PYHIN1: variants seen among roughly 807,000 people sequenced by gnomAD.
PYHIN1 encodes pyrin and HIN domain-containing protein 1.
Under a neutral mutation model 43.7 loss-of-function variants are expected in PYHIN1, and 32 were observed. The ratio of observed to expected loss-of-function variants is 0.73; its 90% confidence interval spans 0.55 to 0.98. The LOEUF (loss-of-function observed/expected upper bound fraction) is 0.98, where lower values mean the gene tolerates loss of function less well. PYHIN1 is among the 50% of genes least tolerant of loss of function. The pLI is 0.00. For synonymous variants in PYHIN1, 205 were observed against 203.1 expected, an observed-to-expected ratio of 1.01 and a Z score of -0.08; for missense variants, 588 against 589.5, an observed-to-expected ratio of 1.00 and a Z score of 0.03.
chr1:158,936,372 A>G (rs1648545593), intron 1 of PYHIN1, among the ~76,000 whole-genome samples: 2 of 151,598 alleles, frequency 1.3e-5, no homozygotes, highest in South Asian at 4.2e-4. Flanking sequence ...CATCATCCTG[A>G]TACCAAAGCT....
chr1:158,969,731 G>A (rs1325707212), intron 7 of PYHIN1, among the ~76,000 whole-genome samples: 4 of 151,964 alleles, frequency 2.6e-5, no homozygotes, highest in Non-Finnish European at 5.9e-5. Flanking sequence ...AACATTTAAA[G>A]ACAATCCATT....
intron 4 of PYHIN1, chr1:158,939,703 A>C (rs1243949634): frequency 8.1e-6 from 5 of 616,786 alleles, no homozygotes; most frequent in Non-Finnish European, 1.5e-5. Flanking sequence ...ATCCTCAGGG[A>C]ATCCTCACTT....
chr1:158,958,039 A>G (rs924317723), intron 7 of PYHIN1, among the ~76,000 whole-genome samples: 5 of 152,394 alleles, frequency 3.3e-5, no homozygotes, highest in South Asian at 2.1e-4. Flanking sequence ...AGAAATGCCA[A>G]TCTAAACCAC....
At chr1:158,948,310 C>CT (rs1269019030) in intron 7 of PYHIN1, among the ~76,000 whole-genome samples, 1 of 152,132 alleles carries the variant, frequency 6.6e-6, no homozygotes. Flanking sequence ...GTGTGTGGAT[C>CT]TATAGTGTGA....
At chr1:158,945,786 C>T (rs187384602) in intron 7 of PYHIN1, among the ~76,000 whole-genome samples, 10 of 152,294 alleles carry the variant, frequency 6.6e-5, no homozygotes, top group East Asian at 1.9e-4. Context: ...GAACATGTAA[C>T]GACAATGTTC....
intron 7 of PYHIN1, among the ~76,000 whole-genome samples, chr1:158,953,206 G>T (rs2101685595): frequency 6.8e-6 from 1 of 146,332 alleles, no homozygotes; most frequent in South Asian, 2.3e-4. Context: ...GGCTTATTAG[G>T]TAAACAAAGC....
chr1:158,936,280 A>C (rs1402494388), intron 1 of PYHIN1, among the ~76,000 whole-genome samples: 1 of 132,180 alleles, frequency 7.6e-6, no homozygotes, highest in Admixed American at 9.2e-5. Flanking sequence ...CTCATTGTTC[A>C]ATTCCCACCT....
downstream of PYHIN1, among the ~76,000 whole-genome samples, chr1:158,978,299 A>G (rs1417061506): frequency 1.5e-5 from 2 of 136,828 alleles, no homozygotes; most frequent in African/African-American, 5.4e-5. Flanking sequence ...ATATATATAT[A>G]TGATAATTTG....
chr1:158,968,756 A>G (rs1484733757), intron 7 of PYHIN1, among the ~76,000 whole-genome samples: 1 of 152,176 alleles, frequency 6.6e-6, no homozygotes, highest in Non-Finnish European at 1.5e-5. Flanking sequence ...ATGGAATACT[A>G]CACAGCCACA....
At chr1:158,965,983 C>T (rs893143031) in intron 7 of PYHIN1, among the ~76,000 whole-genome samples, 1 of 151,100 alleles carries the variant, frequency 6.6e-6, no homozygotes, top group Admixed American at 6.6e-5. Flanking sequence ...AGAAAGATTG[C>T]TAGATAGACT....
At chr1:158,971,555 C>T (rs1650934553) in intron 7 of PYHIN1, among the ~76,000 whole-genome samples, 1 of 151,978 alleles carries the variant, frequency 6.6e-6, no homozygotes, top group South Asian at 2.1e-4. Flanking sequence ...AGAATCCTGA[C>T]TGGAACTGTG....
chr1:158,967,205 A>AT (rs1650677456), intron 7 of PYHIN1, among the ~76,000 whole-genome samples: 1 of 152,088 alleles, frequency 6.6e-6, no homozygotes, highest in African/African-American at 2.4e-5. Flanking sequence ...TATTTGTGGG[A>AT]TGAGAGGGTT....
rs1398770234 is a variant in PYHIN1, at chr1:158,944,866, T to G, written c.1192-9T>G. 6.5e-7 allele frequency: 1 copy of G among 1,532,064 alleles called. No individual in the cohort carries two copies. The highest frequency in any genetic ancestry group is 8.8e-7 in the Non-Finnish European group (1 of 1,141,020). The allele number at this position is 1,532,064 out of a possible 1,614,324, so 94.9% of individuals were successfully genotyped here. A position where few individuals can be genotyped will look rare whatever the true frequency, so the allele number is the denominator to read the frequency against. ...AAAAAACATTAAACAAAAAAATGAA[T>G]ACTTTCAGATACAGAAAAATACAAA... On this transcript the variant is annotated splice_polypyrimidine_tract_variant and intron_variant, in intron 6 of 8. Coordinates refer to ENST00000368140, the MANE Select transcript of PYHIN1 (RefSeq NM_152501.5).
chr1:158,979,020 A>G (rs554890965), downstream of PYHIN1, among the ~76,000 whole-genome samples: 4 of 152,192 alleles, frequency 2.6e-5, no homozygotes, highest in Admixed American at 6.5e-5. Flanking sequence ...TCTCTGCAAG[A>G]GGCAGTGAAA....
intron 7 of PYHIN1, among the ~76,000 whole-genome samples, chr1:158,952,801 G>A (rs1054662562): frequency 7.9e-5 from 12 of 152,220 alleles, no homozygotes; most frequent in Admixed American, 2.0e-4. Context: ...CAGCGTAAGC[G>A]ACGCAGAAGA....
chr1:158,960,198 C>A (rs1033681128), intron 7 of PYHIN1, among the ~76,000 whole-genome samples: 2 of 152,190 alleles, frequency 1.3e-5, no homozygotes, highest in African/African-American at 4.8e-5. Flanking sequence ...GAGCTAGCAG[C>A]CTGTGTCTTT....
intron 7 of PYHIN1, among the ~76,000 whole-genome samples, chr1:158,954,883 C>A (rs1371589330): frequency 6.7e-6 from 1 of 149,382 alleles, no homozygotes; most frequent in Non-Finnish European, 1.5e-5. Flanking sequence ...CACACATAGG[C>A]TCAAAATAAA....
At chr1:158,954,881 G>C (rs1441891414) in intron 7 of PYHIN1, among the ~76,000 whole-genome samples, 2 of 149,978 alleles carry the variant, frequency 1.3e-5, no homozygotes, top group Non-Finnish European at 3.0e-5. Flanking sequence ...GACACACATA[G>C]GCTCAAAATA....
At chr1:158,932,839 C>A (rs971788493) in intron 1 of PYHIN1, among the ~76,000 whole-genome samples, 3 of 151,980 alleles carry the variant, frequency 2.0e-5, no homozygotes, top group African/African-American at 7.3e-5. Context: ...TTTCTAGTGG[C>A]AATGTATAGG....
Sources: gnomAD v4.1 joint callset for allele counts (sites outside exome capture counted in the v4.1 genomes callset) on GRCh38, gnomAD v4.1.1 for gene constraint, MANE v1.5 for transcripts, NCBI Gene and HGNC (gene_info 2026-07-23, HGNC 2026-07-21) for gene names.